The following SLC43A3 variants were observed in gnomAD, a reference collection of about 807,000 sequenced individuals.
SLC43A3 encodes equilibrative nucleobase transporter 1.
SLC43A3 carries 33 observed loss-of-function variants against 53.3 expected under a neutral mutation model. The ratio of observed to expected loss-of-function variants is 0.62; its 90% CI spans 0.47 to 0.83. The LOEUF is 0.83. Ranked by LOEUF, SLC43A3 falls within the 40% of genes least tolerant of loss-of-function variation. SLC43A3 has a pLI of 0.00. For missense variants in SLC43A3, 530 were observed against 610.0 expected, an observed-to-expected ratio of 0.87 and a Z score of 1.38; for synonymous variants, 236 against 246.2, an observed-to-expected ratio of 0.96 and a Z score of 0.39.
At chr11:57,409,798 C>T in intron 12 of SLC43A3, 137 bp downstream of exon 12, 1 of 780,458 alleles carries the variant, frequency 1.3e-6, no homozygotes, top group Non-Finnish European at 2.0e-6. Context: ...GTCTCACCCC[C>T]TCCACACCTG....
rs202087702 is a variant in SLC43A3, at chr11:57,425,690, T to C, written c.185-20A>G. 106 of 1,613,348 alleles carry C rather than the reference T, an allele frequency of 6.6e-5. No homozygotes were observed. The highest frequency in any genetic ancestry group is 1.7e-6 in the Non-Finnish European group (2 of 1,179,662). ...TGCAGTCTGGAGTAGAAAAAAGGTC[T>C]CCCATGCATCCCAGCCTTCCTGCCA... On this transcript the variant is annotated intron_variant, in intron 3 of 13. Coordinates refer to ENST00000395124, the MANE Select transcript of SLC43A3 (RefSeq NM_199329.3).
chr11:57,421,114 T>G, intron 6 of SLC43A3, 50 bp from the exon 7 acceptor site: 1 of 1,420,406 alleles, frequency 7.0e-7, no homozygotes, highest in Non-Finnish European at 9.9e-7. Flanking sequence ...ATGAAACAGA[T>G]ACTTCCTGAG....
chr11:57,419,103 A>G (rs1381396169), intron 7 of SLC43A3, among the ~76,000 whole-genome samples: 1 of 152,050 alleles, frequency 6.6e-6, no homozygotes, highest in East Asian at 1.9e-4. Flanking sequence ...GAGTCCTCAT[A>G]CGACCCATCC....
intron 11 of SLC43A3, among the ~76,000 whole-genome samples, chr11:57,411,233 A>G (rs995856330): frequency 3.9e-5 from 6 of 152,156 alleles, no homozygotes; most frequent in Admixed American, 3.3e-4. Flanking sequence ...ATGTTTTACA[A>G]ATAAAATAAA....
chr11:57,414,698 T>A lies in SLC43A3; in HGVS notation c.977A>T (p.Gln326Leu), dbSNP rs542073476. ...STYTNAFAFT[Q>L]FGVLCAPWNG... ...CCAGGGGGCACACAGCACTCCGAACTGAGTGAAGGCAAAGGCATTTGTGTA... is the reference window on the plus strand; with the variant it reads ...CCAGGGGGCACACAGCACTCCGAACAGAGTGAAGGCAAAGGCATTTGTGTA... The change falls in exon 11 of 14, where the codon CAG (glutamine) becomes CTG (leucine). Residue 326 changes from glutamine to leucine, a missense_variant. Transcript: ENST00000395124. 2 of 1,614,048 alleles carry A rather than the reference T, an allele frequency of 1.2e-6. No individual in the cohort carries two copies. Among genetic ancestry groups the A allele is most frequent in the African/African-American group, 2.7e-5 (2 of 74,996 alleles).
intron 7 of SLC43A3, among the ~76,000 whole-genome samples, chr11:57,419,209 A>G (rs1306962130): frequency 6.6e-6 from 1 of 152,198 alleles, no homozygotes; most frequent in Non-Finnish European, 1.5e-5. Flanking sequence ...TTGTTCAAAG[A>G]AAATTTTACA....
At chr11:57,410,439 C>T (rs1416982710) in intron 11 of SLC43A3, among the ~76,000 whole-genome samples, 1 of 147,046 alleles carries the variant, frequency 6.8e-6, no homozygotes, top group Non-Finnish European at 1.5e-5. Context: ...ATCTGCCCCT[C>T]CCCACCCTGA....
At chr11:57,411,093 A>T (rs1942437455) in intron 11 of SLC43A3, among the ~76,000 whole-genome samples, 1 of 152,178 alleles carries the variant, frequency 6.6e-6, no homozygotes, top group African/African-American at 2.4e-5. Flanking sequence ...GTTTATATTT[A>T]AAAAAATAAA....
chr11:57,426,223 T>C lies in SLC43A3; in HGVS notation c.-51A>G, dbSNP rs1429825110. ...ATCCCACTTTGTCCTCCTGGACGGA[T>C]CACAGGCGCCGTAAGCCTGGCGTTT... On this transcript the variant is annotated 5_prime_UTR_variant, in exon 3 of 14. Transcript: ENST00000395124. 1 of 1,567,642 alleles carries C rather than the reference T, an allele frequency of 6.4e-7. No homozygotes were observed. Among genetic ancestry groups the C allele is most frequent in the Admixed American group, 1.8e-5 (1 of 56,936 alleles).
chr11:57,423,778 A>G, intron 5 of SLC43A3: 2 of 551,676 alleles, frequency 3.6e-6, no homozygotes, highest in East Asian at 2.9e-5. Flanking sequence ...ATCCCTCTCC[A>G]TCATCCTTGC....
intron 3 of SLC43A3, 123 bp downstream of exon 3, chr11:57,425,866 G>C (rs933042694): frequency 7.4e-7 from 1 of 1,345,706 alleles, no homozygotes; most frequent in Non-Finnish European, 1.0e-6. Context: ...AGTGGGGTGA[G>C]AGCTGCTGAC....
At chr11:57,421,275 TG>T in intron 6 of SLC43A3, 21 bp downstream of exon 6, 2 of 1,592,088 alleles carry the variant, frequency 1.3e-6, no homozygotes. Context: ...GCCGAGTGCC[TG>T]GGATTAGGGA....
At chr11:57,421,465 C>T in intron 5 of SLC43A3, 92 bp from the exon 6 acceptor site, 3 of 927,522 alleles carry the variant, frequency 3.2e-6, no homozygotes, top group South Asian at 3.0e-5. Context: ...AAATTCCCAA[C>T]AATCCTGGTA....
At position 57,416,541 on chromosome 11, in the gene SLC43A3, G is replaced by A. The variant is rs755189172; in HGVS notation, c.769+32C>T. ...AAGGCACAAGGAGAGGCTTGGGTCTGGAGGAGAGATGGGTTAGCCAGCAGG... is the reference window on the plus strand; with the variant it reads ...AAGGCACAAGGAGAGGCTTGGGTCTAGAGGAGAGATGGGTTAGCCAGCAGG... On this transcript the variant is annotated intron_variant, in intron 9 of 13. Transcript: ENST00000395124. The A allele has an allele frequency of 2.6e-6, 4 of 1,561,074 alleles. No homozygotes were observed. In the African/African-American group the frequency reaches 4.1e-5, roughly 16 times the overall value.
rs1942962233 is a variant in SLC43A3, at chr11:57,421,060, C to A, written c.443G>T (p.Gly148Val). The A allele has an allele frequency of 6.2e-7, 1 of 1,608,998 alleles. No homozygotes were observed. Among genetic ancestry groups the A allele is most frequent in the Non-Finnish European group, 8.5e-7 (1 of 1,175,516 alleles). Reference protein sequence around the residue: ...ILFLITNLQIGNLFGQHRSTI... With the variant: ...ILFLITNLQIVNLFGQHRSTI... ...CGAACGGTGTTGGCCAAATAGGTTC[C>A]CAATCTGGGGATGATAGGACTAGCC... Residue 148 changes from glycine (G) to valine (V), a missense_variant, in exon 7 of 14, where the codon GGG (glycine) becomes GTG (valine). Physicochemically the swap from Gly to Val is moderately radical, Grantham distance 109. Coordinates refer to ENST00000395124, the MANE Select transcript of SLC43A3 (RefSeq NM_199329.3).
At chr11:57,416,484 C>T (rs539498110) in intron 9 of SLC43A3, 89 bp downstream of exon 9, 2 of 974,132 alleles carry the variant, frequency 2.1e-6, no homozygotes, top group Admixed American at 2.0e-5. Context: ...ATTCTGGGTC[C>T]CTGGGGGAGC....
chr11:57,412,737 G>A (rs566389182), intron 11 of SLC43A3, among the ~76,000 whole-genome samples: 125 of 152,096 alleles, frequency 8.2e-4, no homozygotes, highest in African/African-American at 2.8e-3. Context: ...GAACCTGGGA[G>A]GCGGAGGTCG....
Position 57,416,483 on chromosome 11 carries a change from C to G in SLC43A3, c.769+90G>C, listed in dbSNP as rs976788742. ...TGTCCTGCCTTTCCTGATTCTGGGTCCCTGGGGGAGCTCTGGAGGTGAGGG... is the reference window on the plus strand; with the variant it reads ...TGTCCTGCCTTTCCTGATTCTGGGTGCCTGGGGGAGCTCTGGAGGTGAGGG... On this transcript the variant is annotated intron_variant, in intron 9 of 13. Transcript: ENST00000395124. 2.7e-5 allele frequency: 26 copies of G among 954,956 alleles called. No homozygotes were observed. In the Admixed American group the frequency reaches 5.1e-4, roughly 19 times the overall value. The allele number at this position is 954,956 out of a possible 1,614,324, so 59.2% of individuals were successfully genotyped here. A position where few individuals can be genotyped will look rare whatever the true frequency, so the allele number is the denominator to read the frequency against.
At chr11:57,414,046 CCTGA>C (rs1323185221) in intron 11 of SLC43A3, among the ~76,000 whole-genome samples, 1 of 152,214 alleles carries the variant, frequency 6.6e-6, no homozygotes, top group Non-Finnish European at 1.5e-5. Flanking sequence ...ATTATAACTG[CCTGA>C]CTACCTGCCT....
Sources: allele counts gnomAD v4.1 joint callset (sites outside exome capture counted in the v4.1 genomes callset), GRCh38; gene constraint gnomAD v4.1.1; transcripts MANE v1.5; gene names NCBI Gene and HGNC (gene_info 2026-07-23, HGNC 2026-07-21).